The following NEO1 variants were observed in gnomAD, a reference collection of about 807,000 sequenced individuals.
NEO1 encodes neogenin 1, also known as neogenin.
A neutral mutation model predicts 159.7 loss-of-function variants in NEO1; 63 were observed. The ratio of observed to expected loss-of-function variants is 0.39; its 90% CI spans 0.32 to 0.49. The LOEUF (loss-of-function observed/expected upper bound fraction) is 0.49, where lower values mean the gene tolerates loss of function less well. Ranked by LOEUF, NEO1 falls within the 20% of genes least tolerant of loss-of-function variation. The pLI is 0.85. For synonymous variants in NEO1, 633 were observed against 662.0 expected (o/e 0.96, Z 0.67); for missense variants, 1,615 against 1,831.0 (o/e 0.88, Z 2.15).
Position 73,103,335 on chromosome 15 carries a change from T to C in NEO1, c.131-13205T>C, listed in dbSNP as rs368422031. ...TTAGCTTAATGTATGAAATCGTCAC[T>C]ATCTGGTCACTGCCTTCCCAGTTGT... On this transcript the variant is annotated intron_variant, in intron 1 of 28. Coordinates refer to ENST00000261908, the MANE Select transcript of NEO1 (RefSeq NM_002499.4). 5.1e-4 allele frequency among the ~76,000 whole-genome samples: 77 copies of C among 152,354 alleles called. 3 individuals carry two copies. Among genetic ancestry groups the C allele is most frequent in the African/African-American group, 1.8e-3 (73 of 41,590 alleles).
intron 11 of NEO1, among the ~76,000 whole-genome samples, chr15:73,250,096 G>A (rs1173617004): frequency 6.6e-6 from 1 of 152,080 alleles, no homozygotes; most frequent in African/African-American, 2.4e-5. Flanking sequence ...ATATTTGCAT[G>A]CCAAATTAGT....
At chr15:73,150,774 C>G (rs139400180) in intron 5 of NEO1, among the ~76,000 whole-genome samples, 1 of 152,114 alleles carries the variant, frequency 6.6e-6, no homozygotes, top group Non-Finnish European at 1.5e-5. Flanking sequence ...AGAAAGTTTC[C>G]ACATTCCTCT....
chr15:73,177,549 A>T (rs977233020), intron 6 of NEO1, among the ~76,000 whole-genome samples: 17 of 152,092 alleles, frequency 1.1e-4, no homozygotes, highest in South Asian at 4.2e-4. Flanking sequence ...GTAGTTAAAA[A>T]TTTTTTTTGT....
intron 7 of NEO1, among the ~76,000 whole-genome samples, chr15:73,189,229 A>G (rs556151136): frequency 5.9e-5 from 9 of 152,302 alleles, no homozygotes; most frequent in African/African-American, 2.2e-4. Flanking sequence ...TATACATGGG[A>G]GATTGGTTCC....
chr15:73,295,840 G>A (rs1176726146), intron 26 of NEO1, among the ~76,000 whole-genome samples: 4 of 152,182 alleles, frequency 2.6e-5, no homozygotes, highest in Non-Finnish European at 5.9e-5. Flanking sequence ...ACTTGACATT[G>A]GAAAAGCACT....
intron 7 of NEO1, among the ~76,000 whole-genome samples, chr15:73,228,332 A>G (rs779911978): frequency 1.8e-4 from 27 of 151,922 alleles, no homozygotes; most frequent in Admixed American, 1.3e-3. Flanking sequence ...CTAATGACTA[A>G]TGATGTCATT....
chr15:73,238,105 A>C (rs2039285335), intron 8 of NEO1, among the ~76,000 whole-genome samples: 1 of 152,120 alleles, frequency 6.6e-6, no homozygotes, highest in African/African-American at 2.4e-5. Flanking sequence ...AAACCTAATG[A>C]CATGACTTGG....
Position 73,298,571 on chromosome 15 carries a change from T to C in NEO1, c.4125T>C (p.Tyr1375=), listed in dbSNP as rs756412490. 6.2e-7 allele frequency: 1 copy of C among 1,614,184 alleles called. No homozygotes were observed. The highest frequency in any genetic ancestry group is 8.5e-7 in the Non-Finnish European group (1 of 1,180,030). Residue 1375 remains tyrosine, a synonymous_variant, in exon 27 of 29, where the codon TAT becomes TAC. Coordinates refer to ENST00000261908, the MANE Select transcript of NEO1 (RefSeq NM_002499.4). ...TCCCGCCTCCAGGACCTCCCACCTA[T>C]GATCCTGCATTGCCAAGCACACCAT... is the stretch of plus-strand genomic sequence containing the variant. ...PAIPPPGPPT[Y]DPALPSTPLL...
In NEO1 at chr15:73,170,733, A is replaced by G. The variant is rs1041580059; in HGVS notation, c.1016-5670A>G. On this transcript the variant is annotated intron_variant, in intron 5 of 28. Transcript: ENST00000261908. ...AAACGTAAGTGAAGGGAAAAAGTCA[A>G]GCATTTATTCTGCCCCTTTTCGAAG... Among the ~76,000 whole-genome samples the G allele has an allele frequency of 9.8e-5, 15 of 152,332 alleles. No homozygotes were observed. In the South Asian group the frequency reaches 3.1e-3, roughly 32 times the overall value.
At chr15:73,278,014 C>T in intron 21 of NEO1, 117 bp from the exon 22 acceptor site, 1 of 799,984 alleles carries the variant, frequency 1.3e-6, no homozygotes, top group Non-Finnish European at 2.0e-6. Flanking sequence ...ACTTTATTTT[C>T]TCATGGACAG....
chr15:73,090,255 C>T (rs1021087691), intron 1 of NEO1, among the ~76,000 whole-genome samples: 6 of 152,118 alleles, frequency 3.9e-5, no homozygotes, highest in South Asian at 2.1e-4. Context: ...AGTGCAGTAG[C>T]GCAATCTTGG....
chr15:73,164,573 T>C (rs1318748288), intron 5 of NEO1, among the ~76,000 whole-genome samples: 2 of 152,250 alleles, frequency 1.3e-5, no homozygotes, highest in Non-Finnish European at 2.9e-5. Context: ...AATAGCTTCA[T>C]CAATAGCTAC....
intron 25 of NEO1, among the ~76,000 whole-genome samples, chr15:73,291,341 G>T (rs1046397276): frequency 2.0e-5 from 3 of 152,154 alleles, no homozygotes; most frequent in Non-Finnish European, 4.4e-5. Context: ...AAGTAAAAAA[G>T]ATATGTTGTC....
intron 22 of NEO1, among the ~76,000 whole-genome samples, chr15:73,278,458 G>GA (rs1402212451): frequency 1.3e-5 from 2 of 152,184 alleles, no homozygotes; most frequent in Non-Finnish European, 2.9e-5. Flanking sequence ...ACTGCCTCTA[G>GA]AAAAGAGTTA....
intron 7 of NEO1, among the ~76,000 whole-genome samples, chr15:73,189,372 G>A (rs1406236803): frequency 1.3e-5 from 2 of 152,044 alleles, no homozygotes; most frequent in African/African-American, 4.8e-5. Flanking sequence ...ATTTTTTGTT[G>A]CGTTTGTTTG....
At chr15:73,118,930 T>C (rs572021917) in intron 2 of NEO1, among the ~76,000 whole-genome samples, 69 of 152,334 alleles carry the variant, frequency 4.5e-4, no homozygotes, top group African/African-American at 1.7e-3. Context: ...GTGAACTGCC[T>C]TCTGCAAATC....
chr15:73,103,652 T>C (rs186180419), intron 1 of NEO1, among the ~76,000 whole-genome samples: 3 of 152,334 alleles, frequency 2.0e-5, no homozygotes, highest in African/African-American at 7.2e-5. Flanking sequence ...TAAGGGCAGA[T>C]AGTAAGTGTC....
At chr15:73,080,257 CTG>C (rs1005147816) in intron 1 of NEO1, among the ~76,000 whole-genome samples, 13 of 152,182 alleles carry the variant, frequency 8.5e-5, no homozygotes, top group African/African-American at 1.7e-4. Context: ...TCTAAAGTAA[CTG>C]TGAACACTGT....
At chr15:73,094,875 T>C (rs1202436046) in intron 1 of NEO1, among the ~76,000 whole-genome samples, 1 of 152,220 alleles carries the variant, frequency 6.6e-6, no homozygotes, top group Non-Finnish European at 1.5e-5. Flanking sequence ...TAATGTCTGT[T>C]TGGGTCTGTT....
Sources: gnomAD v4.1 joint callset for allele counts (sites outside exome capture counted in the v4.1 genomes callset) on GRCh38, gnomAD v4.1.1 for gene constraint, MANE v1.5 for transcripts, NCBI Gene and HGNC (gene_info 2026-07-23, HGNC 2026-07-21) for gene names.